TSPAN2: variants seen among roughly 807,000 people sequenced by gnomAD.
TSPAN2 encodes tetraspanin 2.
Under a neutral mutation model 33.3 loss-of-function variants are expected in TSPAN2, and 24 were observed. The ratio of observed to expected loss-of-function variants is 0.72; its 90% CI spans 0.52 to 1.01. TSPAN2 has a LOEUF of 1.01. Among genes scored for constraint, TSPAN2 ranks in the 50% least tolerant of loss-of-function variants. The pLI, the probability that TSPAN2 is intolerant of heterozygous loss-of-function variation, is 0.00. For synonymous variants in TSPAN2, 114 were observed against 104.5 expected (o/e 1.09, Z -0.56); for missense variants, 278 against 281.3 (o/e 0.99, Z 0.08).
At position 115,053,419 on chromosome 1, in the gene TSPAN2, T is replaced by C. The variant is rs772424389; in HGVS notation, c.560A>G (p.Gln187Arg). The C allele has an allele frequency of 6.2e-7, 1 of 1,614,010 alleles. No homozygotes were observed. ...EIETIISVKL[Q>R]LIGIVGIGIA... ...TCCAATACCGACAATTCCAATGAGC[T>C]GGAGCTTAACACTGATTATGGTCTC... Residue 187 changes from glutamine (Q) to arginine (R), a missense_variant, in exon 7 of 8, where the codon CAG (glutamine) becomes CGG (arginine). Coordinates refer to ENST00000369516, the MANE Select transcript of TSPAN2 (RefSeq NM_005725.6).
intron 2 of TSPAN2, among the ~76,000 whole-genome samples, chr1:115,068,656 C>A (rs531679391): frequency 6.6e-5 from 10 of 152,312 alleles, no homozygotes; most frequent in African/African-American, 2.4e-4. Flanking sequence ...TCCTAAAGTG[C>A]TATCACCTCA....
At chr1:115,064,378 C>G (rs1329428291) in intron 2 of TSPAN2, among the ~76,000 whole-genome samples, 3 of 152,236 alleles carry the variant, frequency 2.0e-5, no homozygotes, top group Non-Finnish European at 4.4e-5. Flanking sequence ...CTCATTGCTA[C>G]TGCCACAATT....
chr1:115,085,239 T>C (rs902350739), intron 1 of TSPAN2, among the ~76,000 whole-genome samples: 3 of 152,174 alleles, frequency 2.0e-5, no homozygotes, highest in Non-Finnish European at 2.9e-5. Flanking sequence ...TCAACCACGA[T>C]AAGAGAAATT....
intron 7 of TSPAN2, 30 bp downstream of exon 7, chr1:115,053,349 C>G: frequency 6.3e-7 from 1 of 1,597,796 alleles, no homozygotes; most frequent in South Asian, 1.1e-5. Flanking sequence ...TTTTAGAGGG[C>G]AAAAAGGGTA....
At chr1:115,083,585 C>T (rs1648715259) in intron 1 of TSPAN2, among the ~76,000 whole-genome samples, 1 of 152,180 alleles carries the variant, frequency 6.6e-6, no homozygotes, top group African/African-American at 2.4e-5. Context: ...ACACGAGCAT[C>T]ACCTGGGAGC....
chr1:115,084,467 G>A (rs1315259546), intron 1 of TSPAN2, among the ~76,000 whole-genome samples: 5 of 152,048 alleles, frequency 3.3e-5, no homozygotes, highest in Non-Finnish European at 5.9e-5. Flanking sequence ...GAGGTCTACC[G>A]GAACCCTGGC....
chr1:115,083,119 A>T (rs538451441), intron 1 of TSPAN2, among the ~76,000 whole-genome samples: 2 of 152,350 alleles, frequency 1.3e-5, no homozygotes, highest in East Asian at 3.9e-4. Context: ...TGGTATTTCC[A>T]TCTTGCTGGC....
rs1675284319 is a variant in TSPAN2, at chr1:115,050,468, C to T, written c.*22G>A. ...CATTTGGTATGAAAGCTTTAGATTGCAATTTTCATGTAGAAGTAGCTTCAT... is the reference window on the plus strand; with the variant it reads ...CATTTGGTATGAAAGCTTTAGATTGTAATTTTCATGTAGAAGTAGCTTCAT... On this transcript the variant is annotated 3_prime_UTR_variant, in exon 8 of 8. Coordinates refer to ENST00000369516, the MANE Select transcript of TSPAN2 (RefSeq NM_005725.6). 6.2e-7 allele frequency: 1 copy of T among 1,610,602 alleles called. No individual in the cohort carries two copies. The highest frequency in any genetic ancestry group is 1.3e-5 in the African/African-American group (1 of 74,842).
intron 2 of TSPAN2, among the ~76,000 whole-genome samples, chr1:115,069,640 T>C (rs1219178043): frequency 6.6e-6 from 1 of 152,244 alleles, no homozygotes; most frequent in Non-Finnish European, 1.5e-5. Flanking sequence ...GTATTAACCC[T>C]TGACCTTTCA....
chr1:115,048,479 T>C lies in TSPAN2; in HGVS notation c.*2011A>G, dbSNP rs1019168090. 4 of 151,948 alleles carry C rather than the reference T, an allele frequency of 2.6e-5. No homozygotes were observed. The highest frequency in any genetic ancestry group is 7.2e-5 in the African/African-American group (3 of 41,426). The allele number at this position is 151,948 out of a possible 1,614,324, so 9.4% of individuals were successfully genotyped here. A position where few individuals can be genotyped will look rare whatever the true frequency, so the allele number is the denominator to read the frequency against. On this transcript the variant is annotated 3_prime_UTR_variant, in exon 8 of 8. Transcript: ENST00000369516. ...AATCGTACATGGAACAGAACCCTTC[T>C]CTTCTACTTTAATTAATTTCATTTT...
At chr1:115,068,467 A>T (rs1322595441) in intron 2 of TSPAN2, among the ~76,000 whole-genome samples, 3 of 152,146 alleles carry the variant, frequency 2.0e-5, no homozygotes, top group African/African-American at 7.2e-5. Context: ...GGAAGGGCTT[A>T]TTTCTTTAAG....
At chr1:115,083,533 C>T (rs564373451) in intron 1 of TSPAN2, among the ~76,000 whole-genome samples, 6 of 152,188 alleles carry the variant, frequency 3.9e-5, no homozygotes, top group Non-Finnish European at 8.8e-5. Context: ...CTTCAGGCCA[C>T]ATCTAAAACA....
intron 3 of TSPAN2, 31 bp downstream of exon 3, chr1:115,062,104 A>ATTAACCCCCC: frequency 1.2e-6 from 1 of 832,520 alleles, no homozygotes; most frequent in Non-Finnish European, 1.9e-6. Flanking sequence ...CCTCACCCCC[A>ATTAACCCCCC]CCCCACCATT....
chr1:115,072,926 A>G lies in TSPAN2; in HGVS notation c.151T>C (p.Ser51Pro), dbSNP rs1337572494. ...TCACCCACATAGAAATACTCTGGGG[A>G]CTTGTCCTCTGATGATAACTCCTTT... ...AIKELSSEDK[S>P]PEYFYVGLYV... The change falls in exon 2 of 8, where the codon TCC becomes CCC. Residue 51 changes from serine to proline, a missense_variant. Ser to Pro is a moderately conservative substitution (Grantham distance 74). Coordinates refer to ENST00000369516, the MANE Select transcript of TSPAN2 (RefSeq NM_005725.6). The G allele has an allele frequency of 2.5e-6, 4 of 1,614,084 alleles. No individual in the cohort carries two copies. Among genetic ancestry groups the G allele is most frequent in the Non-Finnish European group, 3.4e-6 (4 of 1,179,940 alleles).
In TSPAN2 at chr1:115,088,507, G is replaced by A. The variant is rs192976456; in HGVS notation, c.69+857C>T. On this transcript the variant is annotated intron_variant, in intron 1 of 7. Coordinates refer to ENST00000369516, the MANE Select transcript of TSPAN2 (RefSeq NM_005725.6). ...CACAGTCCTGCAGGCCCTGGGACAGGGTATCCAGGGATGTAGGTCTGGTCT... is the reference window on the plus strand; with the variant it reads ...CACAGTCCTGCAGGCCCTGGGACAGAGTATCCAGGGATGTAGGTCTGGTCT... Among the ~76,000 whole-genome samples the A allele has an allele frequency of 4.0e-3, 604 of 152,282 alleles. 3 individuals are homozygous for A. Among genetic ancestry groups the A allele is most frequent in the Middle Eastern group, 0.014 (4 of 294 alleles).
At chr1:115,073,413 A>G (rs1443953350) in intron 1 of TSPAN2, among the ~76,000 whole-genome samples, 2 of 152,134 alleles carry the variant, frequency 1.3e-5, no homozygotes, top group East Asian at 1.9e-4. Flanking sequence ...ACGAGAGGTG[A>G]CTATGTCTCA....
intron 1 of TSPAN2, among the ~76,000 whole-genome samples, chr1:115,085,726 C>T (rs1010478698): frequency 3.3e-5 from 5 of 152,120 alleles, no homozygotes; most frequent in African/African-American, 1.2e-4. Context: ...CCCTCAGTTA[C>T]AGTGAAGGCA....
chr1:115,062,225 A>T lies in TSPAN2; in HGVS notation c.180T>A (p.Tyr60Ter). The change falls in exon 3 of 8, where the codon TAT (tyrosine) becomes TAA (stop). Residue 60 changes from tyrosine to a stop codon, truncating the protein, a stop_gained. Coordinates refer to ENST00000369516, the MANE Select transcript of TSPAN2 (RefSeq NM_005725.6). LOFTEE classifies it high-confidence loss of function. The part of the protein sequence containing the change: ...KSPEYFYVGL[Y>*]VLVGAGALMM... The stretch of plus-strand genomic sequence containing the variant: ...TCAGGGCCCCGGCTCCAACCAGAAC[A>T]TACAGCCCTGTGGGGAAGAGGTCAG... The T allele has an allele frequency of 6.3e-7, 1 of 1,587,834 alleles. No individual in the cohort carries two copies. Among genetic ancestry groups the T allele is most frequent in the Non-Finnish European group, 8.6e-7 (1 of 1,166,648 alleles).
rs1267755986 is a variant in TSPAN2, at chr1:115,048,885, C to T, written c.*1605G>A. 4 of 152,090 alleles carry T rather than the reference C, an allele frequency of 2.6e-5. No homozygotes were observed. The highest frequency in any genetic ancestry group is 9.7e-5 in the African/African-American group (4 of 41,434). The allele number at this position is 152,090 out of a possible 1,614,324, so 9.4% of individuals were successfully genotyped here. A position where few individuals can be genotyped will look rare whatever the true frequency, so the allele number is the denominator to read the frequency against. On this transcript the variant is annotated 3_prime_UTR_variant, in exon 8 of 8. Transcript: ENST00000369516. ...GAAAAATTTCCTCCAAAATCAGTAGCAGTAGCAAGTATGGCAGAAAGAGAA... is the reference window on the plus strand; with the variant it reads ...GAAAAATTTCCTCCAAAATCAGTAGTAGTAGCAAGTATGGCAGAAAGAGAA...
Sources: allele counts gnomAD v4.1 joint callset (sites outside exome capture counted in the v4.1 genomes callset), GRCh38; gene constraint gnomAD v4.1.1; transcripts MANE v1.5; gene names NCBI Gene and HGNC (gene_info 2026-07-23, HGNC 2026-07-21).